PHF3: variants seen among roughly 807,000 people sequenced by gnomAD.
PHF3 encodes PHD finger protein 3.
Under a neutral mutation model 178.4 loss-of-function variants are expected in PHF3, and 41 were observed. That is an observed-to-expected ratio of 0.23 (90% CI 0.18 to 0.30). PHF3 has a LOEUF of 0.30. PHF3 is among the 10% of genes least tolerant of loss of function. The pLI, the probability that PHF3 is intolerant of heterozygous loss-of-function variation, is 1.00. For missense variants in PHF3, 2,346 were observed against 2,398.1 expected, an observed-to-expected ratio of 0.98 and a Z score of 0.45; for synonymous variants, 842 against 800.5, an observed-to-expected ratio of 1.05 and a Z score of -0.88.
intron 9 of PHF3, among the ~76,000 whole-genome samples, chr6:63,700,684 A>G (rs866924729): frequency 6.6e-6 from 1 of 152,124 alleles, no homozygotes; most frequent in African/African-American, 2.4e-5. Context: ...CCTGGGTTCA[A>G]GTGATTCTCC....
Position 63,685,311 on chromosome 6 carries a change from G to T in PHF3, c.1589G>T (p.Arg530Leu). 1.2e-6 allele frequency: 2 copies of T among 1,613,886 alleles called. No homozygotes were observed. The highest frequency in any genetic ancestry group is 1.7e-6 in the Non-Finnish European group (2 of 1,179,948). ...AAAGTTAATGTCAAAAGTGTGAAACGAAATACTGATGTACCAGAATCTCAG... is the reference window on the plus strand; with the variant it reads ...AAAGTTAATGTCAAAAGTGTGAAACTAAATACTGATGTACCAGAATCTCAG... ...KTKVNVKSVK[R>L]NTDVPESQQN... Residue 530 changes from arginine (R) to leucine (L), a missense_variant, in exon 4 of 16, where the codon CGA becomes CTA. By Grantham distance (102) the Arg-to-Leu change is moderately radical (BLOSUM62 -2). Around this residue, in one of 8 missense-constraint regions of PHF3, gnomAD observed 843 missense variants for 795.2 expected, o/e 1.06. Coordinates refer to ENST00000262043, the MANE Select transcript of PHF3 (RefSeq NM_001370348.2).
intron 2 of PHF3, among the ~76,000 whole-genome samples, chr6:63,658,897 G>T (rs1765351408): frequency 6.6e-6 from 1 of 152,106 alleles, no homozygotes; most frequent in Non-Finnish European, 1.5e-5. Flanking sequence ...TGATGTTGCA[G>T]TTTGAGTCCA....
At chr6:63,700,288 C>G in intron 8 of PHF3, 62 bp from the exon 9 acceptor site, 1 of 665,584 alleles carries the variant, frequency 1.5e-6, no homozygotes, top group Non-Finnish European at 2.6e-6. Context: ...TTATAAATTT[C>G]TGTGTAGTAG....
At chr6:63,708,849 A>AT (rs1767802685) in intron 13 of PHF3, among the ~76,000 whole-genome samples, 1 of 152,140 alleles carries the variant, frequency 6.6e-6, no homozygotes, top group African/African-American at 2.4e-5. Flanking sequence ...TTCTTTCTGA[A>AT]TTGTTAATGT....
intron 13 of PHF3, among the ~76,000 whole-genome samples, chr6:63,708,159 G>A (rs995142041): frequency 6.6e-6 from 1 of 152,042 alleles, no homozygotes; most frequent in South Asian, 2.1e-4. Context: ...GAGCCACCGG[G>A]CCCAGCCTAG....
chr6:63,700,069 T>C (rs1471970451), intron 8 of PHF3, among the ~76,000 whole-genome samples: 2 of 152,206 alleles, frequency 1.3e-5, no homozygotes, highest in Admixed American at 6.5e-5. Context: ...GGTTATATTG[T>C]GTCCCTGGGT....
chr6:63,652,247 A>T (rs1013147302), intron 2 of PHF3, among the ~76,000 whole-genome samples: 3 of 152,120 alleles, frequency 2.0e-5, no homozygotes, highest in Non-Finnish European at 4.4e-5. Context: ...ATGGGATGAG[A>T]TGATATCTCA....
At chr6:63,693,552 A>G (rs546828020) in intron 5 of PHF3, among the ~76,000 whole-genome samples, 1 of 152,334 alleles carries the variant, frequency 6.6e-6, no homozygotes, top group African/African-American at 2.4e-5. Flanking sequence ...CGGAGGTTGT[A>G]GTGAGCTGGG....
chr6:63,711,745 T>C lies in PHF3; in HGVS notation c.4157T>C (p.Val1386Ala). 6.2e-7 allele frequency: 1 copy of C among 1,613,592 alleles called. No homozygotes were observed. The highest frequency in any genetic ancestry group is 8.5e-7 in the Non-Finnish European group (1 of 1,179,832). ...LPPDKKSKIE[V>A]STEEAPEEEN... ...CCTGATAAAAAAAGTAAAATAGAAG[T>C]TTCTACAGAAGAAGCACCAGAGGAA... is the stretch of plus-strand genomic sequence containing the variant. The change falls in exon 16 of 16, where the codon GTT (valine) becomes GCT (alanine). Residue 1386 changes from valine (V) to alanine (A), a missense_variant. This residue lies in a region of PHF3 where 839 missense variants were observed against 806.9 expected (regional missense o/e 1.04). Transcript: ENST00000262043.
intron 2 of PHF3, among the ~76,000 whole-genome samples, chr6:63,676,768 G>A (rs1198124774): frequency 6.6e-6 from 1 of 152,192 alleles, no homozygotes; most frequent in Non-Finnish European, 1.5e-5. Context: ...TAATATTTTA[G>A]AAGGATCACA....
intron 2 of PHF3, 176 bp from the exon 3 acceptor site, chr6:63,679,824 A>T (rs1051939692): frequency 9.1e-6 from 6 of 656,442 alleles, no homozygotes; most frequent in Non-Finnish European, 1.7e-5. Flanking sequence ...TATAAAACTG[A>T]CTTGATTTGG....
At chr6:63,703,099 A>C (rs1332823412) in intron 10 of PHF3, among the ~76,000 whole-genome samples, 1 of 152,172 alleles carries the variant, frequency 6.6e-6, no homozygotes, top group Non-Finnish European at 1.5e-5. Context: ...GCTGGTCTTA[A>C]ACTCCTGACC....
At chr6:63,679,021 G>GT (rs1309389723) in intron 2 of PHF3, 1 of 199,462 alleles carries the variant, frequency 5.0e-6, no homozygotes, top group African/African-American at 2.4e-5. Context: ...GCCCTGTGAG[G>GT]TAGGTAGGAC....
chr6:63,698,533 T>G lies in PHF3; in HGVS notation c.2910T>G (p.Phe970Leu). Residue 970 changes from phenylalanine to leucine, a missense_variant, in exon 8 of 16, where the codon TTT (phenylalanine) becomes TTG (leucine). By Grantham distance (22) the Phe-to-Leu change is conservative. This residue lies in a region of PHF3 where 252 missense variants were observed against 232.0 expected (regional missense o/e 1.09). Coordinates refer to ENST00000262043, the MANE Select transcript of PHF3 (RefSeq NM_001370348.2). ...TKIEKELFSFFRDTDAKYKNK... is the reference protein window; with the variant it reads ...TKIEKELFSFLRDTDAKYKNK... ...TTGAGAAAGAGCTTTTCTCTTTTTT[T>G]CGGGACACAGATGCTAAATATAAGA... The G allele has an allele frequency of 6.2e-7, 1 of 1,603,858 alleles. No homozygotes were observed.
chr6:63,653,460 G>A (rs796961155), intron 2 of PHF3, among the ~76,000 whole-genome samples: 2 of 151,802 alleles, frequency 1.3e-5, no homozygotes, highest in Non-Finnish European at 2.9e-5. Flanking sequence ...TCGGTGAGTA[G>A]GATTGCTTTC....
intron 6 of PHF3, among the ~76,000 whole-genome samples, chr6:63,695,619 T>C (rs1767199648): frequency 6.6e-6 from 1 of 152,180 alleles, no homozygotes; most frequent in Non-Finnish European, 1.5e-5. Context: ...GGGAAAACTC[T>C]GGTTGCTCTG....
At chr6:63,642,709 G>A (rs1247722544) in intron 1 of PHF3, among the ~76,000 whole-genome samples, 1 of 152,024 alleles carries the variant, frequency 6.6e-6, no homozygotes, top group Non-Finnish European at 1.5e-5. Context: ...CAGTAGATGG[G>A]CTTCCTATGT....
At chr6:63,638,374 C>T (rs1000631539) in intron 1 of PHF3, among the ~76,000 whole-genome samples, 1 of 152,004 alleles carries the variant, frequency 6.6e-6, no homozygotes, top group African/African-American at 2.4e-5. Flanking sequence ...TTCTGTGTTT[C>T]AGTTACTGAA....
rs1764661782 is a variant in PHF3, at chr6:63,643,519, T to C, written c.-25-3008T>C. Among the ~76,000 whole-genome samples the C allele has an allele frequency of 2.0e-5, 3 of 152,224 alleles. 1 individual carries two copies. The South Asian group carries it at 6.2e-4, about 31-fold the overall frequency. ...TTTGTCCTGTGGAAATTGTCTTCTT[T>C]GGACTCACAAATGTGATACGCTTTA... On this transcript the variant is annotated intron_variant, in intron 1 of 15. Transcript: ENST00000262043.
Sources: allele counts gnomAD v4.1 joint callset (sites outside exome capture counted in the v4.1 genomes callset), GRCh38; gene constraint gnomAD v4.1.1; regional missense constraint gnomAD v4.1.1; transcripts MANE v1.5; gene names NCBI Gene and HGNC (gene_info 2026-07-23, HGNC 2026-07-21).